Variants in SOX30 observed in about 807,000 individuals in gnomAD.
SOX30 encodes the protein SRY-box transcription factor 30.
In SOX30, 17 loss-of-function variants were observed where a neutral mutation model predicts 58.6. That is an observed-to-expected ratio of 0.29 (90% CI 0.20 to 0.44). The LOEUF (loss-of-function observed/expected upper bound fraction) is 0.44. Among genes scored for constraint, SOX30 ranks in the 20% least tolerant of loss-of-function variants. The pLI, the probability that SOX30 is intolerant of heterozygous loss-of-function variation, is 1.00. For synonymous variants in SOX30, 421 were observed against 400.2 expected (o/e 1.05, Z -0.62); for missense variants, 951 against 965.8 (o/e 0.98, Z 0.20).
intron 2 of SOX30, among the ~76,000 whole-genome samples, chr5:157,659,598 G>A (rs1413152477): frequency 1.3e-5 from 2 of 152,292 alleles, no homozygotes; most frequent in East Asian, 3.9e-4. Flanking sequence ...AAGTATCTGA[G>A]GCAAGCCTTA....
At chr5:157,665,374 C>T (rs1759650469) in intron 2 of SOX30, among the ~76,000 whole-genome samples, 1 of 152,100 alleles carries the variant, frequency 6.6e-6, no homozygotes, top group African/African-American at 2.4e-5. Context: ...CGCATGTTTT[C>T]ACTCATAGGT....
upstream of SOX30, chr5:157,652,470 C>G (rs1759385179): frequency 1.4e-5 from 11 of 771,340 alleles, no homozygotes; most frequent in Non-Finnish European, 1.7e-5. Flanking sequence ...CGCTTCCAGG[C>G]CGCTGACATC....
intron 3 of SOX30, among the ~76,000 whole-genome samples, chr5:157,640,359 A>C (rs1759032919): frequency 1.3e-5 from 2 of 152,346 alleles, no homozygotes; most frequent in South Asian, 4.1e-4. Context: ...CTCATATAAA[A>C]GGAGGATGCT....
At chr5:157,664,446 A>C (rs1175003839) in intron 2 of SOX30, among the ~76,000 whole-genome samples, 1 of 152,224 alleles carries the variant, frequency 6.6e-6, no homozygotes, top group Non-Finnish European at 1.5e-5. Context: ...AATTAATTCA[A>C]GATGGATTAA....
intron 3 of SOX30, among the ~76,000 whole-genome samples, chr5:157,639,832 G>A (rs1289934189): frequency 6.6e-6 from 1 of 152,206 alleles, no homozygotes; most frequent in Non-Finnish European, 1.5e-5. Context: ...AAGAAATGTG[G>A]ATCTTTTCCC....
At chr5:157,656,206 G>A (rs561294006), upstream of SOX30, among the ~76,000 whole-genome samples, 12 of 152,110 alleles carry the variant, frequency 7.9e-5, no homozygotes, top group South Asian at 1.9e-3. Context: ...TTGATTAATC[G>A]GTTAAAAATA....
In SOX30 at chr5:157,638,435, T is replaced by A. The variant is rs145658817; in HGVS notation, c.1675A>T (p.Thr559Ser). The A allele has an allele frequency of 5.6e-6, 9 of 1,614,004 alleles. No homozygotes were observed. Among genetic ancestry groups the A allele is most frequent in the Admixed American group, 1.7e-5 (1 of 59,998 alleles). ...TCCCTAGGAGGTTGGATGGTCGAAG[T>A]TGCAAATCTGGCATGGGCAGTACTT... ...SASTAHARFATSTIQPPREYS... is the reference protein window; with the variant it reads ...SASTAHARFASSTIQPPREYS... Residue 559 changes from threonine (T) to serine (S), a missense_variant, in exon 4 of 5, where the codon ACT becomes TCT. By Grantham distance (58) the Thr-to-Ser change is moderately conservative. Transcript: ENST00000265007.
chr5:157,670,908 T>C (rs1487549765), intron 1 of SOX30, among the ~76,000 whole-genome samples: 1 of 152,072 alleles, frequency 6.6e-6, no homozygotes, highest in Non-Finnish European at 1.5e-5. Context: ...ACCGAAATAT[T>C]AGGTTATAAA....
chr5:157,654,947 T>G (rs566431939), upstream of SOX30, among the ~76,000 whole-genome samples: 3 of 152,366 alleles, frequency 2.0e-5, no homozygotes, highest in African/African-American at 7.2e-5. Context: ...GGTTGCTCAG[T>G]CTATGGAGTA....
At chr5:157,637,090 G>A (rs184269964) in intron 4 of SOX30, among the ~76,000 whole-genome samples, 1 of 133,904 alleles carries the variant, frequency 7.5e-6, no homozygotes, top group East Asian at 2.2e-4. Context: ...CCAAGATCGC[G>A]CCATTGCACT....
chr5:157,630,932 A>T lies in SOX30; in HGVS notation c.1881-4211T>A, dbSNP rs963339407. 9.2e-5 allele frequency among the ~76,000 whole-genome samples: 11 copies of T among 119,010 alleles called. 1 individual carries two copies. The highest frequency in any genetic ancestry group is 2.9e-4 in the Admixed American group (3 of 10,264). The allele number at this position is 119,010 out of a possible 152,430, so 78.1% of individuals were successfully genotyped here. A position where few individuals can be genotyped will look rare whatever the true frequency, so the allele number is the denominator to read the frequency against. ...ATATATAATATCTATATTATATATT[A>T]TATATATATACTATATATATTGTAT... On this transcript the variant is annotated intron_variant, in intron 4 of 4. Coordinates refer to ENST00000265007, the MANE Select transcript of SOX30 (RefSeq NM_178424.2).
At chr5:157,652,531 C>T (rs72813203), upstream of SOX30, 8,300 of 240,784 alleles carry the variant, frequency 0.034, 240 homozygotes, top group East Asian at 0.1. Context: ...TGTGCACGCG[C>T]TCTGTGCGGC....
Position 157,651,543 on chromosome 5 carries a change from C to A in SOX30, c.536G>T (p.Arg179Leu). 1 of 1,613,082 alleles carries A rather than the reference C, an allele frequency of 6.2e-7. No individual in the cohort carries two copies. Among genetic ancestry groups the A allele is most frequent in the Non-Finnish European group, 8.5e-7 (1 of 1,180,002 alleles). The change falls in exon 1 of 5, where the codon CGA becomes CTA. Residue 179 changes from arginine to leucine, a missense_variant. Physicochemically the swap from Arg to Leu is moderately radical, Grantham distance 102. Around this residue, in one of 7 missense-constraint regions of SOX30, gnomAD observed 363 missense variants for 294.5 expected, o/e 1.23. Transcript: ENST00000265007. The stretch of plus-strand genomic sequence containing the variant: ...CTCCAGCTTGCCCTTCTCGTCCCCT[C>A]GGAAGTAGCCGAGGGCCGGCCCGGG... Reference protein sequence around the residue: ...EGPGPALGYFRGDEKGKLEAE... With the variant: ...EGPGPALGYFLGDEKGKLEAE...
upstream of SOX30, among the ~76,000 whole-genome samples, chr5:157,653,702 C>T (rs969061335): frequency 3.3e-5 from 5 of 152,160 alleles, no homozygotes; most frequent in Non-Finnish European, 7.3e-5. Flanking sequence ...TTTATCTTGA[C>T]GTAGATGATT....
At chr5:157,656,151 G>A (rs544742715), upstream of SOX30, among the ~76,000 whole-genome samples, 83 of 152,236 alleles carry the variant, frequency 5.5e-4, no homozygotes, top group African/African-American at 1.8e-3. Context: ...TTTTGTCTGT[G>A]TATTTATGTG....
chr5:157,656,225 T>G (rs933054253), upstream of SOX30, among the ~76,000 whole-genome samples: 3 of 152,228 alleles, frequency 2.0e-5, no homozygotes, highest in African/African-American at 4.8e-5. Context: ...TAATAAGTGC[T>G]TCAGTCATAT....
At chr5:157,642,437 T>C (rs1180145934) in intron 3 of SOX30, among the ~76,000 whole-genome samples, 2 of 152,080 alleles carry the variant, frequency 1.3e-5, no homozygotes, top group African/African-American at 2.4e-5. Flanking sequence ...TTTAAATTTA[T>C]GATCCTGGCT....
rs1554088164 is a variant in SOX30 at position 157,635,628 on chromosome 5, A to AAAAAAAC, written c.1880+2601_1880+2602insGTTTTTT. ...GACAGAGCAAGACTCTGTCTCAAAA[A>AAAAAAAC]AAAAACAAAAACAAAAACAAAGAAC... On this transcript the variant is annotated intron_variant, in intron 4 of 4. Transcript: ENST00000265007. Among the ~76,000 whole-genome samples, 19 of 151,804 alleles carry AAAAAAAC rather than the reference A, an allele frequency of 1.3e-4. No homozygotes were observed. The South Asian group carries it at 1.7e-3, about 13-fold the overall frequency.
chr5:157,637,975 T>C (rs1052745975), intron 4 of SOX30, among the ~76,000 whole-genome samples: 4 of 152,154 alleles, frequency 2.6e-5, no homozygotes, highest in Non-Finnish European at 2.9e-5. Flanking sequence ...ATTACAGGCA[T>C]GAGCCACTGC....
Sources: allele counts gnomAD v4.1 joint callset (sites outside exome capture counted in the v4.1 genomes callset), GRCh38; gene constraint gnomAD v4.1.1; regional missense constraint gnomAD v4.1.1; transcripts MANE v1.5; gene names NCBI Gene and HGNC (gene_info 2026-07-23, HGNC 2026-07-21).